ZNF804B: variants seen among roughly 807,000 people sequenced by gnomAD.
ZNF804B encodes zinc finger protein 804B.
Under a neutral mutation model 101.4 loss-of-function variants are expected in ZNF804B, and 80 were observed. The observed-to-expected ratio is 0.79, with a 90% CI of 0.66 to 0.95. ZNF804B has a LOEUF of 0.95. Ranked by LOEUF, ZNF804B falls within the 40% of genes least tolerant of loss-of-function variation. The pLI is 0.00. For missense variants in ZNF804B, 1,673 were observed against 1,561.9 expected (o/e 1.07, Z -1.20); for synonymous variants, 622 against 558.8 (o/e 1.11, Z -1.59).
intron 1 of ZNF804B, among the ~76,000 whole-genome samples, chr7:88,962,730 T>TATATAA: frequency 7.1e-6 from 1 of 141,156 alleles, no homozygotes; most frequent in Middle Eastern, 3.7e-3. Context: ...TATATATATA[T>TATATAA]ATATATATAT....
intron 1 of ZNF804B, among the ~76,000 whole-genome samples, chr7:89,104,995 T>C (rs1790113956): frequency 6.6e-6 from 1 of 152,170 alleles, no homozygotes; most frequent in Non-Finnish European, 1.5e-5. Context: ...CCCATTTTAG[T>C]AAAGGTTTCT....
chr7:89,235,245 T>C (rs1177881239), intron 2 of ZNF804B, among the ~76,000 whole-genome samples: 5 of 152,144 alleles, frequency 3.3e-5, no homozygotes, highest in Admixed American at 6.5e-5. Flanking sequence ...TCCAGAGAAA[T>C]ATAGAAATAT....
intron 1 of ZNF804B, among the ~76,000 whole-genome samples, chr7:88,801,407 CTGAG>C (rs1790580601): frequency 6.6e-6 from 1 of 151,952 alleles, no homozygotes; most frequent in Non-Finnish European, 1.5e-5. Flanking sequence ...TGAGAATTTC[CTGAG>C]TGCCTGTAAT....
Position 89,250,584 on chromosome 7 carries a change from C to T in ZNF804B, c.249+32289C>T, listed in dbSNP as rs113496923. Among the ~76,000 whole-genome samples the T allele has an allele frequency of 6.0e-3, 920 of 152,208 alleles. 7 individuals are homozygous for T. Among genetic ancestry groups the T allele is most frequent in the Non-Finnish European group, 8.2e-3 (558 of 68,006 alleles). ...AAGGAGGAGGGACTCCTCCCTAACT[C>T]ATTCTACAAAACCAGCATCCCCCGA... On this transcript the variant is annotated intron_variant, in intron 2 of 3. Transcript: ENST00000333190.
chr7:88,955,231 A>T (rs1405397482), intron 1 of ZNF804B, among the ~76,000 whole-genome samples: 1 of 151,660 alleles, frequency 6.6e-6, no homozygotes, highest in East Asian at 2.0e-4. Flanking sequence ...CTGAGTCCTC[A>T]ATAGAAAAAA....
At chr7:89,149,440 G>A (rs1790837794) in intron 1 of ZNF804B, among the ~76,000 whole-genome samples, 1 of 151,912 alleles carries the variant, frequency 6.6e-6, no homozygotes, top group Admixed American at 6.6e-5. Flanking sequence ...GCCTTATAGT[G>A]TATATAAAAT....
intron 1 of ZNF804B, among the ~76,000 whole-genome samples, chr7:89,034,916 T>C (rs1471463237): frequency 6.6e-6 from 1 of 152,120 alleles, no homozygotes; most frequent in African/African-American, 2.4e-5. Flanking sequence ...ACATCTGTTG[T>C]TTCTTGACTT....
chr7:88,906,888 G>T (rs1792478681), intron 1 of ZNF804B, among the ~76,000 whole-genome samples: 1 of 152,012 alleles, frequency 6.6e-6, no homozygotes, highest in African/African-American at 2.4e-5. Flanking sequence ...AGGTCAAGAA[G>T]AATTCATTTT....
At chr7:88,819,727 G>A (rs1790945707) in intron 1 of ZNF804B, among the ~76,000 whole-genome samples, 2 of 152,186 alleles carry the variant, frequency 1.3e-5, no homozygotes, top group East Asian at 3.9e-4. Context: ...GAATTGCTAG[G>A]TAGAAAGTCA....
intron 1 of ZNF804B, among the ~76,000 whole-genome samples, chr7:88,896,931 AT>A (rs1792293465): frequency 6.6e-6 from 1 of 152,222 alleles, no homozygotes. Flanking sequence ...AGTGATAATA[AT>A]AGCTATAATT....
At chr7:88,859,617 T>C (rs573970471) in intron 1 of ZNF804B, among the ~76,000 whole-genome samples, 1 of 152,022 alleles carries the variant, frequency 6.6e-6, no homozygotes, top group Non-Finnish European at 1.5e-5. Context: ...TCTGACAACT[T>C]AAATCTAACA....
In ZNF804B at chr7:89,218,277, T is replaced by C. The variant is rs113588702; in HGVS notation, c.231T>C (p.Tyr77=). The C allele has an allele frequency of 1.2e-3, 1,865 of 1,613,694 alleles. 18 individuals carry two copies. In the African/African-American group the frequency reaches 0.022, roughly 19 times the overall value. ...HQEFDNHINS[Y]DHAHKQRLKE... is the part of the protein sequence containing the mutation. Reference sequence around the variant, plus strand: ...AGTTTGACAATCATATTAATTCTTATGACCATGCTCATAAGCAGGTAAGGC... The same window carrying C: ...AGTTTGACAATCATATTAATTCTTACGACCATGCTCATAAGCAGGTAAGGC... The change falls in exon 2 of 4, where the codon TAT becomes TAC. Residue 77 remains tyrosine, a synonymous_variant. Coordinates refer to ENST00000333190, the MANE Select transcript of ZNF804B (RefSeq NM_181646.5).
At chr7:89,115,440 T>C (rs1251473060) in intron 1 of ZNF804B, among the ~76,000 whole-genome samples, 1 of 152,156 alleles carries the variant, frequency 6.6e-6, no homozygotes, top group Non-Finnish European at 1.5e-5. Flanking sequence ...GGGAGATGCA[T>C]CCTATTAAGA....
At chr7:89,061,485 C>T (rs985875424) in intron 1 of ZNF804B, among the ~76,000 whole-genome samples, 11 of 151,976 alleles carry the variant, frequency 7.2e-5, no homozygotes, top group African/African-American at 9.7e-5. Context: ...CTACCACCTA[C>T]GCATTTTATA....
chr7:89,277,217 G>C (rs188596765), intron 2 of ZNF804B, among the ~76,000 whole-genome samples: 1 of 149,870 alleles, frequency 6.7e-6, no homozygotes, highest in Non-Finnish European at 1.5e-5. Flanking sequence ...CTCAAATGCA[G>C]AGCTAATGCA....
chr7:89,219,443 G>T (rs1788947165), intron 2 of ZNF804B, among the ~76,000 whole-genome samples: 1 of 151,748 alleles, frequency 6.6e-6, no homozygotes, highest in South Asian at 2.1e-4. Context: ...AATCACAGGT[G>T]AAAACATTTC....
At chr7:88,788,140 T>A (rs923644023) in intron 1 of ZNF804B, among the ~76,000 whole-genome samples, 1 of 152,100 alleles carries the variant, frequency 6.6e-6, no homozygotes, top group African/African-American at 2.4e-5. Flanking sequence ...GAGGTGCAGA[T>A]GCCTGTGGGG....
At position 88,815,268 on chromosome 7, in the gene ZNF804B, C is replaced by T. The variant is rs944964317; in HGVS notation, c.108+55184C>T. ...AATTGTAATCTCTTATCTATGCTAT[C>T]CATATGATTCTGTAGAAACTCAGTA... On this transcript the variant is annotated intron_variant, in intron 1 of 3. Coordinates refer to ENST00000333190, the MANE Select transcript of ZNF804B (RefSeq NM_181646.5). Among the ~76,000 whole-genome samples, 96 of 148,216 alleles carry T rather than the reference C, an allele frequency of 6.5e-4. 1 individual carries two copies. Among genetic ancestry groups the T allele is most frequent in the African/African-American group, 2.2e-3 (90 of 40,770 alleles).
At chr7:89,320,764 A>G (rs1298676228) in intron 2 of ZNF804B, among the ~76,000 whole-genome samples, 1 of 152,132 alleles carries the variant, frequency 6.6e-6, no homozygotes, top group Non-Finnish European at 1.5e-5. Flanking sequence ...CTTTAATCCA[A>G]CCAAGGGGAT....
Sources: allele counts gnomAD v4.1 joint callset (sites outside exome capture counted in the v4.1 genomes callset), GRCh38; gene constraint gnomAD v4.1.1; transcripts MANE v1.5; gene names NCBI Gene and HGNC (gene_info 2026-07-23, HGNC 2026-07-21).